COLQ: variants seen among roughly 807,000 people sequenced by gnomAD.
The protein encoded by COLQ is collagen like tail subunit of asymmetric acetylcholinesterase.
A neutral mutation model predicts 69.0 loss-of-function variants in COLQ; 48 were observed. The observed-to-expected ratio is 0.70, with a 90% CI of 0.55 to 0.88. The LOEUF is 0.88. Among genes scored for constraint, COLQ ranks in the 40% least tolerant of loss-of-function variants. COLQ has a pLI of 0.00. For missense variants in COLQ, 618 were observed against 594.6 expected, an observed-to-expected ratio of 1.04 and a Z score of -0.41; for synonymous variants, 217 against 211.2, an observed-to-expected ratio of 1.03 and a Z score of -0.24.
rs529666125 is a variant in COLQ at position 15,479,924 on chromosome 3, A to G, written c.322-542T>C. ...CAGGAAAAAAGTCTTCTTTTTTAAG[A>G]CACTAAGAATGTTGGCAAGTAAAGA... On this transcript the variant is annotated intron_variant, in intron 3 of 16. Coordinates refer to ENST00000383788, the MANE Select transcript of COLQ (RefSeq NM_005677.4). Among the ~76,000 whole-genome samples the G allele has an allele frequency of 2.0e-5, 3 of 152,324 alleles. No homozygotes were observed. The South Asian group carries it at 6.2e-4, about 32-fold the overall frequency.
chr3:15,461,302 C>T (rs955734461), intron 12 of COLQ, among the ~76,000 whole-genome samples: 3 of 152,020 alleles, frequency 2.0e-5, no homozygotes, highest in Non-Finnish European at 4.4e-5. Context: ...CACCAGAAAC[C>T]GAGGTCACCT....
chr3:15,465,145 A>G (rs2062177646), intron 12 of COLQ, among the ~76,000 whole-genome samples: 2 of 131,094 alleles, frequency 1.5e-5, no homozygotes, highest in Admixed American at 7.8e-5. Flanking sequence ...CTGCACTCCA[A>G]CCTGGGCGAC....
Position 15,510,605 on chromosome 3 carries a change from G to A in COLQ, c.106+10915C>T, listed in dbSNP as rs943765671. On this transcript the variant is annotated intron_variant, in intron 1 of 16. Coordinates refer to ENST00000383788, the MANE Select transcript of COLQ (RefSeq NM_005677.4). ...TGCCTGTAATCCCAGCTACTGGAAG[G>A]AGCGCTGAGGTGGGAGGATCCCTTG... Among the ~76,000 whole-genome samples, 3 of 151,922 alleles carry A rather than the reference G, an allele frequency of 2.0e-5. No individual in the cohort carries two copies. In the East Asian group the frequency reaches 5.8e-4, roughly 30 times the overall value.
In COLQ at chr3:15,451,559, C is replaced by T. The variant is rs768534998; in HGVS notation, c.*85G>A. 29 of 1,264,176 alleles carry T rather than the reference C, an allele frequency of 2.3e-5. No homozygotes were observed. Among genetic ancestry groups the T allele is most frequent in the South Asian group, 3.6e-5 (3 of 84,146 alleles). The allele number at this position is 1,264,176 out of a possible 1,614,324, so 78.3% of individuals were successfully genotyped here. On this transcript the variant is annotated 3_prime_UTR_variant, in exon 17 of 17. Coordinates refer to ENST00000383788, the MANE Select transcript of COLQ (RefSeq NM_005677.4). ...TTTGTCACACAAAGGTTGGTGGAGA[C>T]GGGGCCAGGACATGGCCAGTTTGAT...
chr3:15,498,263 T>C (rs2655302), intron 1 of COLQ, among the ~76,000 whole-genome samples: 146,361 of 152,304 alleles, frequency 0.96, 70,384 homozygotes, highest in East Asian at 0.99. Flanking sequence ...TTAGCATGTA[T>C]GCCAGGTCCC....
rs757053860 is a variant in COLQ, at chr3:15,451,665, CG to C, written c.1346del (p.Thr449SerfsTer43). ...GCCCTCAGGTGAAGTAGCGGCAGGG[CG>C]TGGAGTCGATGTAGCAGTACTGGGT... is the stretch of plus-strand genomic sequence containing the variant. ...QCTQYCYIDSTPCRYFT is the reference protein window; with the variant it reads ...QCTQYCYIDSXPCRYFT On this transcript the variant is annotated frameshift_variant, in exon 17 of 17. Coordinates refer to ENST00000383788, the MANE Select transcript of COLQ (RefSeq NM_005677.4). LOFTEE classifies it high-confidence loss of function. 6.2e-7 allele frequency: 1 copy of C among 1,613,974 alleles called. No homozygotes were observed. The highest frequency in any genetic ancestry group is 8.5e-7 in the Non-Finnish European group (1 of 1,180,012).
intron 6 of COLQ, among the ~76,000 whole-genome samples, chr3:15,476,746 C>T (rs2062385409): frequency 6.6e-6 from 1 of 152,184 alleles, no homozygotes; most frequent in Admixed American, 6.5e-5. Context: ...CAGCCAACAC[C>T]ACCTTCTCAA....
chr3:15,474,319 G>A, intron 8 of COLQ, 47 bp from the exon 9 acceptor site: 1 of 1,596,444 alleles, frequency 6.3e-7, no homozygotes, highest in Non-Finnish European at 8.6e-7. Flanking sequence ...TATCCTGGGA[G>A]GGAAATTCAA....
intron 1 of COLQ, among the ~76,000 whole-genome samples, chr3:15,502,605 G>C (rs2062847020): frequency 1.3e-5 from 2 of 152,030 alleles, no homozygotes; most frequent in South Asian, 4.2e-4. Flanking sequence ...GTAGAGACGG[G>C]GTCTCACCAT....
intron 1 of COLQ, among the ~76,000 whole-genome samples, chr3:15,494,220 G>T (rs1455898133): frequency 6.6e-6 from 1 of 152,184 alleles, no homozygotes; most frequent in African/African-American, 2.4e-5. Flanking sequence ...GTAAAGGAGT[G>T]ACAGGATCAA....
In COLQ at chr3:15,450,699, C is replaced by A. The variant is rs372867726; in HGVS notation, c.*945G>T. The A allele has an allele frequency of 3.3e-5, 5 of 152,458 alleles. No homozygotes were observed. The highest frequency in any genetic ancestry group is 7.2e-5 in the African/African-American group (3 of 41,464). The allele number at this position is 152,458 out of a possible 1,614,324, so 9.4% of individuals were successfully genotyped here. ...AAAGAGGTAGAGCTCTGGCCAGGAACGCTCTGCCTAGAGAGAGCCCTCTGC... is the reference window on the plus strand; with the variant it reads ...AAAGAGGTAGAGCTCTGGCCAGGAAAGCTCTGCCTAGAGAGAGCCCTCTGC... On this transcript the variant is annotated 3_prime_UTR_variant, in exon 17 of 17. Transcript: ENST00000383788.
At chr3:15,485,342 G>A (rs950523902) in intron 3 of COLQ, among the ~76,000 whole-genome samples, 3 of 152,142 alleles carry the variant, frequency 2.0e-5, no homozygotes, top group African/African-American at 4.8e-5. Context: ...GCTACTTGGG[G>A]GTCAGGGTCC....
At chr3:15,491,744 T>C (rs935115285) in intron 1 of COLQ, among the ~76,000 whole-genome samples, 3 of 152,172 alleles carry the variant, frequency 2.0e-5, no homozygotes, top group African/African-American at 7.2e-5. Context: ...CTCTTAATTC[T>C]ACATAAAAGA....
chr3:15,471,715 C>G (rs1336597622), intron 10 of COLQ, among the ~76,000 whole-genome samples: 2 of 152,208 alleles, frequency 1.3e-5, no homozygotes, highest in African/African-American at 4.8e-5. Flanking sequence ...AAACATAAAG[C>G]TCTGAAATTA....
chr3:15,464,964 C>T (rs1025827981), intron 12 of COLQ, among the ~76,000 whole-genome samples: 5 of 152,072 alleles, frequency 3.3e-5, no homozygotes, highest in African/African-American at 7.2e-5. Context: ...TCACGAGGTC[C>T]GGAGTTCCAG....
chr3:15,500,292 T>C (rs551432502), intron 1 of COLQ, among the ~76,000 whole-genome samples: 30 of 152,172 alleles, frequency 2.0e-4, no homozygotes, highest in Non-Finnish European at 4.1e-4. Context: ...GAGTCCTCAG[T>C]CCTGAGTCCT....
chr3:15,456,212 G>A (rs1429287300), intron 14 of COLQ, among the ~76,000 whole-genome samples, 193 bp from the exon 15 acceptor site: 1 of 148,946 alleles, frequency 6.7e-6, no homozygotes, highest in Non-Finnish European at 1.5e-5. Flanking sequence ...GATCAAGACA[G>A]CAACCTGGCA....
rs1025361623 is a variant in COLQ at position 15,453,898 on chromosome 3, C to A, written c.1229G>T (p.Arg410Leu). 1.2e-6 allele frequency: 2 copies of A among 1,611,272 alleles called. No individual in the cohort carries two copies. Among genetic ancestry groups the A allele is most frequent in the Non-Finnish European group, 1.7e-6 (2 of 1,178,708 alleles). Reference protein sequence around the residue: ...CHRAYCGDGHRHEGVEDCDGS... With the variant: ...CHRAYCGDGHLHEGVEDCDGS... ...GTCACAGTCCTCCACACCCTCATGC[C>A]GGTGACCATCTCCACAGTAGGCACG... Residue 410 changes from arginine (R) to leucine (L), a missense_variant, in exon 16 of 17, where the codon CGG (arginine) becomes CTG (leucine). Transcript: ENST00000383788.
chr3:15,487,129 T>A (rs1274430303), intron 3 of COLQ, among the ~76,000 whole-genome samples: 1 of 152,006 alleles, frequency 6.6e-6, no homozygotes, highest in Non-Finnish European at 1.5e-5. Context: ...TTAAAGTAGG[T>A]CATTGTGGCA....
Sources: gnomAD v4.1 joint callset for allele counts (sites outside exome capture counted in the v4.1 genomes callset) on GRCh38, gnomAD v4.1.1 for gene constraint, MANE v1.5 for transcripts, NCBI Gene and HGNC (gene_info 2026-07-23, HGNC 2026-07-21) for gene names.